The following SANBR variants were observed in gnomAD, a reference collection of about 807,000 sequenced individuals.
The protein encoded by SANBR is SANT and BTB domain regulator of CSR, also known as SANT and BTB domain regulator of class switch recombination.
Under a neutral mutation model 101.8 loss-of-function variants are expected in SANBR, and 77 were observed. The ratio of observed to expected loss-of-function variants is 0.76; its 90% CI spans 0.63 to 0.91. SANBR has a LOEUF of 0.91. SANBR is among the 40% of genes least tolerant of loss of function. The pLI is 0.00. For missense variants in SANBR, 875 were observed against 853.0 expected (o/e 1.03, Z -0.32); for synonymous variants, 279 against 274.7 (o/e 1.02, Z -0.15).
intron 10 of SANBR, among the ~76,000 whole-genome samples, chr2:61,091,843 A>G (rs1453390984): frequency 6.6e-6 from 1 of 152,160 alleles, no homozygotes; most frequent in African/African-American, 2.4e-5. Flanking sequence ...AGGCTTTGCT[A>G]TTTTTTAACT....
intron 5 of SANBR, among the ~76,000 whole-genome samples, chr2:61,075,749 T>C (rs1188698324): frequency 6.6e-6 from 1 of 151,818 alleles, no homozygotes; most frequent in Non-Finnish European, 1.5e-5. Flanking sequence ...TGTGAATGCC[T>C]AGAAGCAAAC....
intron 13 of SANBR, among the ~76,000 whole-genome samples, chr2:61,106,074 A>G (rs960391008): frequency 1.3e-5 from 2 of 152,124 alleles, no homozygotes; most frequent in Admixed American, 1.3e-4. Context: ...GTCTTTTGCT[A>G]GAGGAATCAC....
chr2:61,070,718 T>A (rs1315498847), intron 3 of SANBR, among the ~76,000 whole-genome samples: 1 of 147,098 alleles, frequency 6.8e-6, no homozygotes, highest in Non-Finnish European at 1.5e-5. Context: ...ATAGTATATA[T>A]ATTTATATAT....
At chr2:61,066,442 G>A (rs1156691725) in intron 1 of SANBR, 1 of 152,638 alleles carries the variant, frequency 6.6e-6, no homozygotes, top group Non-Finnish European at 1.5e-5. Flanking sequence ...GCCGCGTAGT[G>A]AGCCTCCGGG....
At chr2:61,085,190 G>C (rs140080702) in intron 8 of SANBR, among the ~76,000 whole-genome samples, 19 of 152,144 alleles carry the variant, frequency 1.2e-4, no homozygotes, top group Non-Finnish European at 7.4e-5. Context: ...TTGAAACCAT[G>C]GAACTGGATG....
chr2:61,133,356 T>C (rs1461714524), intron 20 of SANBR, among the ~76,000 whole-genome samples: 1 of 152,032 alleles, frequency 6.6e-6, no homozygotes, highest in African/African-American at 2.4e-5. Context: ...AATGAAAATG[T>C]TTTGGAGCTT....
intron 8 of SANBR, among the ~76,000 whole-genome samples, 166 bp downstream of exon 8, chr2:61,083,480 T>G (rs1196899405): frequency 6.6e-6 from 1 of 151,112 alleles, no homozygotes. Context: ...CACTGCAGCC[T>G]CAACCTCCTG....
intron 16 of SANBR, 196 bp from the exon 17 acceptor site, chr2:61,115,783 A>G (rs1222952747): frequency 4.7e-6 from 2 of 421,670 alleles, no homozygotes; most frequent in Non-Finnish European, 8.5e-6. Context: ...GAACCCCTGT[A>G]AAGCAATTTC....
chr2:61,067,381 G>C (rs1681229872), intron 1 of SANBR, among the ~76,000 whole-genome samples: 2 of 152,280 alleles, frequency 1.3e-5, no homozygotes, highest in Non-Finnish European at 1.5e-5. Context: ...TGAGCTCTCA[G>C]GGAAGATCCT....
chr2:61,115,598 T>G (rs928333097), intron 16 of SANBR, among the ~76,000 whole-genome samples: 2 of 152,082 alleles, frequency 1.3e-5, no homozygotes, highest in African/African-American at 4.8e-5. Context: ...ATACACAGAT[T>G]ACCACTTATA....
In SANBR at chr2:61,071,748, A is replaced by G. The variant is rs1266443080; in HGVS notation, c.293A>G (p.Glu98Gly). Residue 98 changes from glutamate (E) to glycine (G), a missense_variant, in exon 4 of 22, where the codon GAA becomes GGA. Glu to Gly is a moderately conservative substitution (Grantham distance 98). Coordinates refer to ENST00000402291, the MANE Select transcript of SANBR (RefSeq NM_001129993.3). ...IKSSLLDIHG[E>G]FQETPVGHDA... ...TCCTCACTTCTTGACATACATGGAG[A>G]ATTTCAGGAGACTCCAGTTGGACAT... The G allele has an allele frequency of 6.2e-7, 1 of 1,603,054 alleles. No individual in the cohort carries two copies. Among genetic ancestry groups the G allele is most frequent in the Admixed American group, 1.8e-5 (1 of 56,776 alleles).
chr2:61,133,947 T>C (rs1684765854), intron 20 of SANBR, among the ~76,000 whole-genome samples: 3 of 152,216 alleles, frequency 2.0e-5, no homozygotes, highest in Non-Finnish European at 2.9e-5. Flanking sequence ...GATATGTGGA[T>C]TATATTGCAA....
At chr2:61,080,516 A>G (rs1285801378) in intron 6 of SANBR, among the ~76,000 whole-genome samples, 1 of 152,128 alleles carries the variant, frequency 6.6e-6, no homozygotes, top group African/African-American at 2.4e-5. Context: ...AGGTGAAGAG[A>G]TGGAGACCAT....
Position 61,088,417 on chromosome 2 carries a change from C to A in SANBR, c.1037C>A (p.Pro346His). Residue 346 changes from proline (P) to histidine (H), a missense_variant, in exon 10 of 22, where the codon CCT becomes CAT. By Grantham distance (77) the Pro-to-His change is moderately conservative. Coordinates refer to ENST00000402291, the MANE Select transcript of SANBR (RefSeq NM_001129993.3). ...ACAGAAAGAAGAATTCCTTGCATTC[C>A]TGGAAAAATCAATGTGGATCGACGT... is the stretch of plus-strand genomic sequence containing the variant. ...KETERRIPCI[P>H]GKINVDRRGN... is the part of the protein sequence containing the mutation. 1 of 1,608,654 alleles carries A rather than the reference C, an allele frequency of 6.2e-7. No homozygotes were observed. The highest frequency in any genetic ancestry group is 1.1e-5 in the South Asian group (1 of 89,512).
At chr2:61,100,305 A>G (rs1029057415) in intron 12 of SANBR, among the ~76,000 whole-genome samples, 6 of 152,120 alleles carry the variant, frequency 3.9e-5, no homozygotes, top group African/African-American at 1.4e-4. Flanking sequence ...GAGTCTCACC[A>G]TATTGGCCAG....
At chr2:61,103,442 A>G (rs2104929971) in intron 12 of SANBR, among the ~76,000 whole-genome samples, 1 of 152,282 alleles carries the variant, frequency 6.6e-6, no homozygotes, top group East Asian at 1.9e-4. Context: ...CCCAGTAGAA[A>G]CATAATGTCA....
At chr2:61,132,134 AT>A (rs1684707656) in intron 20 of SANBR, among the ~76,000 whole-genome samples, 1 of 152,190 alleles carries the variant, frequency 6.6e-6, no homozygotes, top group Non-Finnish European at 1.5e-5. Context: ...AGATAAGACA[AT>A]AAAAGCACAA....
At chr2:61,113,125 G>A (rs977725519) in intron 16 of SANBR, among the ~76,000 whole-genome samples, 13 of 152,050 alleles carry the variant, frequency 8.5e-5, no homozygotes, top group Middle Eastern at 3.2e-3. Context: ...GTTAAAAATC[G>A]GTTGACCATT....
intron 19 of SANBR, 102 bp downstream of exon 19, chr2:61,117,642 G>T: frequency 9.4e-7 from 1 of 1,062,740 alleles, no homozygotes; most frequent in Non-Finnish European, 1.4e-6. Flanking sequence ...AGAGTTTCTA[G>T]CTAAAGTAAG....
Sources: gnomAD v4.1 joint callset for allele counts (sites outside exome capture counted in the v4.1 genomes callset) on GRCh38, gnomAD v4.1.1 for gene constraint, MANE v1.5 for transcripts, NCBI Gene and HGNC (gene_info 2026-07-23, HGNC 2026-07-21) for gene names.